The following CDYL2 variants were observed in gnomAD, a reference collection of about 807,000 sequenced individuals.
CDYL2 encodes the protein chromodomain Y-like protein 2.
CDYL2 carries 23 observed loss-of-function variants against 49.4 expected under a neutral mutation model. The observed-to-expected ratio is 0.47, with a 90% CI of 0.34 to 0.66. The LOEUF (loss-of-function observed/expected upper bound fraction) is 0.66. Among genes scored for constraint, CDYL2 ranks in the 30% least tolerant of loss-of-function variants. The probability of loss-of-function intolerance (pLI) is 0.01; values close to 1 mark genes in which losing one functional copy is unlikely to be tolerated. For missense variants in CDYL2, 678 were observed against 656.4 expected, an observed-to-expected ratio of 1.03 and a Z score of -0.36; for synonymous variants, 360 against 268.8, an observed-to-expected ratio of 1.34 and a Z score of -3.32.
At chr16:80,640,703 A>C (rs1908045752) in intron 2 of CDYL2, among the ~76,000 whole-genome samples, 1 of 152,178 alleles carries the variant, frequency 6.6e-6, no homozygotes, top group Admixed American at 6.5e-5. Flanking sequence ...TAAAAATAAC[A>C]CAGAGAAGGA....
intron 1 of CDYL2, among the ~76,000 whole-genome samples, chr16:80,757,724 C>G (rs933563079): frequency 6.6e-6 from 1 of 151,410 alleles, no homozygotes. Flanking sequence ...TTGAACAGAA[C>G]AAAATACCTA....
At chr16:80,637,568 A>G (rs1241540875) in intron 2 of CDYL2, among the ~76,000 whole-genome samples, 1 of 152,214 alleles carries the variant, frequency 6.6e-6, no homozygotes, top group African/African-American at 2.4e-5. Flanking sequence ...TAATAAGCAA[A>G]TACTGTAAGG....
At chr16:80,662,307 A>G (rs1245384314) in intron 2 of CDYL2, among the ~76,000 whole-genome samples, 1 of 152,204 alleles carries the variant, frequency 6.6e-6, no homozygotes, top group Admixed American at 6.5e-5. Context: ...GGCTTGAGAC[A>G]TCAGAACACA....
intron 1 of CDYL2, among the ~76,000 whole-genome samples, chr16:80,690,075 C>T (rs1334431416): frequency 6.6e-6 from 1 of 151,242 alleles, no homozygotes; most frequent in Non-Finnish European, 1.5e-5. Flanking sequence ...GAGGCGAGAT[C>T]GCACCACTGC....
At chr16:80,773,705 A>C (rs1416234056) in intron 1 of CDYL2, among the ~76,000 whole-genome samples, 4 of 152,176 alleles carry the variant, frequency 2.6e-5, no homozygotes, top group African/African-American at 9.6e-5. Context: ...AAAAATGGAA[A>C]CTAGAAGTGT....
At chr16:80,663,788 T>G (rs1174638534) in intron 2 of CDYL2, among the ~76,000 whole-genome samples, 1 of 152,164 alleles carries the variant, frequency 6.6e-6, no homozygotes, top group African/African-American at 2.4e-5. Flanking sequence ...AGACAGGGTT[T>G]CACCATGTTG....
At chr16:80,656,204 G>A (rs1169760521) in intron 2 of CDYL2, among the ~76,000 whole-genome samples, 1 of 152,234 alleles carries the variant, frequency 6.6e-6, no homozygotes. Context: ...GCACACTCCA[G>A]GCACTTCTCC....
chr16:80,647,721 G>A (rs1908412686), intron 2 of CDYL2, among the ~76,000 whole-genome samples: 1 of 152,130 alleles, frequency 6.6e-6, no homozygotes. Context: ...TAATCCAATG[G>A]CTGCAGCATT....
chr16:80,711,957 G>A (rs1904611886), intron 1 of CDYL2, among the ~76,000 whole-genome samples: 3 of 150,640 alleles, frequency 2.0e-5, no homozygotes, highest in African/African-American at 7.3e-5. Context: ...ATATGTGTGT[G>A]TATATATATG....
chr16:80,661,855 T>A (rs996844134), intron 2 of CDYL2, among the ~76,000 whole-genome samples: 1 of 152,170 alleles, frequency 6.6e-6, no homozygotes, highest in African/African-American at 2.4e-5. Context: ...GGGATAAGCC[T>A]GAGATGTATT....
intron 2 of CDYL2, among the ~76,000 whole-genome samples, chr16:80,641,780 G>C (rs1908101550): frequency 6.6e-6 from 1 of 150,594 alleles, no homozygotes; most frequent in Non-Finnish European, 1.5e-5. Flanking sequence ...ATAGCATTAG[G>C]AGATATACCT....
At chr16:80,751,571 C>T (rs1906137958) in intron 1 of CDYL2, among the ~76,000 whole-genome samples, 1 of 152,192 alleles carries the variant, frequency 6.6e-6, no homozygotes, top group Admixed American at 6.5e-5. Flanking sequence ...AAAGCTAGGA[C>T]AGAAGAGAAA....
rs1168355204 is a variant in CDYL2, at chr16:80,599,525, C to G, written c.*4863G>C. On this transcript the variant is annotated 3_prime_UTR_variant, in exon 7 of 7. Transcript: ENST00000570137. Reference sequence around the variant, plus strand: ...TTTAGTTTGCCTTTGTCCTGCTAAACTCCAGTTTAGTATGGCTTGATACAC... The same window carrying G: ...TTTAGTTTGCCTTTGTCCTGCTAAAGTCCAGTTTAGTATGGCTTGATACAC... 6.6e-6 allele frequency: 1 copy of G among 152,212 alleles called. No homozygotes were observed. The highest frequency in any genetic ancestry group is 2.4e-5 in the African/African-American group (1 of 41,458). The allele number at this position is 152,212 out of a possible 1,614,324, so 9.4% of individuals were successfully genotyped here.
intron 1 of CDYL2, among the ~76,000 whole-genome samples, chr16:80,756,694 A>C (rs113270849): frequency 2.6e-3 from 389 of 152,278 alleles, no homozygotes; most frequent in African/African-American, 8.6e-3. Flanking sequence ...AATAATGCAC[A>C]GTACACACTA....
intron 5 of CDYL2, among the ~76,000 whole-genome samples, chr16:80,609,153 C>A (rs1412132886): frequency 1.3e-5 from 2 of 152,166 alleles, no homozygotes; most frequent in Non-Finnish European, 2.9e-5. Flanking sequence ...TTTCAGCTGT[C>A]ATACAAGGTC....
At chr16:80,699,104 CCT>C (rs1904288280) in intron 1 of CDYL2, among the ~76,000 whole-genome samples, 1 of 151,982 alleles carries the variant, frequency 6.6e-6, no homozygotes. Context: ...AAAGGAGGTT[CCT>C]CAAAAAAACT....
At chr16:80,802,600 G>C (rs1907959397) in intron 1 of CDYL2, among the ~76,000 whole-genome samples, 1 of 152,172 alleles carries the variant, frequency 6.6e-6, no homozygotes, top group Non-Finnish European at 1.5e-5. Flanking sequence ...GGGTAGTGAA[G>C]AGGGCAACAT....
intron 1 of CDYL2, among the ~76,000 whole-genome samples, chr16:80,705,880 T>C (rs536119432): frequency 1.3e-5 from 2 of 152,406 alleles, no homozygotes; most frequent in African/African-American, 4.8e-5. Flanking sequence ...CTCCATTCCA[T>C]AGTTTATCTC....
chr16:80,722,561 G>A (rs1473081552), intron 1 of CDYL2, among the ~76,000 whole-genome samples: 1 of 152,216 alleles, frequency 6.6e-6, no homozygotes, highest in Non-Finnish European at 1.5e-5. Flanking sequence ...GTAATTGTCA[G>A]AACATAACTA....
Sources: allele counts gnomAD v4.1 joint callset (sites outside exome capture counted in the v4.1 genomes callset), GRCh38; gene constraint gnomAD v4.1.1; transcripts MANE v1.5; gene names NCBI Gene and HGNC (gene_info 2026-07-23, HGNC 2026-07-21).